The following NETO1 variants were observed in gnomAD, a reference collection of about 807,000 sequenced individuals.
NETO1 encodes neuropilin and tolloid-like protein 1.
NETO1 carries 26 observed loss-of-function variants against 61.3 expected under a neutral mutation model. The observed-to-expected ratio is 0.42, with a 90% CI of 0.31 to 0.59. The LOEUF (loss-of-function observed/expected upper bound fraction) is 0.59. NETO1 is among the 20% of genes least tolerant of loss of function. The pLI is 0.12. For synonymous variants in NETO1, 225 were observed against 225.8 expected (o/e 1.00, Z 0.03); for missense variants, 531 against 662.8 (o/e 0.80, Z 2.18).
intron 7 of NETO1, among the ~76,000 whole-genome samples, chr18:72,769,305 T>C (rs1296859322): frequency 2.6e-5 from 4 of 152,244 alleles, no homozygotes; most frequent in Non-Finnish European, 5.9e-5. Context: ...CAGTCATCAG[T>C]TGAATGTCTC....
rs967530636 is a variant in NETO1, at chr18:72,746,107, G to T, written c.*2072C>A. The T allele has an allele frequency of 6.6e-6, 1 of 151,830 alleles. No individual in the cohort carries two copies. The highest frequency in any genetic ancestry group is 1.5e-5 in the Non-Finnish European group (1 of 67,974). The allele number at this position is 151,830 out of a possible 1,614,324, so 9.4% of individuals were successfully genotyped here. A position where few individuals can be genotyped will look rare whatever the true frequency, so the allele number is the denominator to read the frequency against. On this transcript the variant is annotated 3_prime_UTR_variant, in exon 11 of 11. Transcript: ENST00000327305. ...AGAAACTGGAGGGGACGGACATGCC[G>T]GACAGTTATAGAACAAATTAATAGT...
At position 72,797,636 on chromosome 18, in the gene NETO1, A is replaced by G. The variant is rs185998290; in HGVS notation, c.470-3232T>C. On this transcript the variant is annotated intron_variant, in intron 4 of 10. Coordinates refer to ENST00000327305, the MANE Select transcript of NETO1 (RefSeq NM_138966.5). ...GTTCTCTACTTAGCAACCTAAATAAACTATTACACATGTAAATCGAATCAT... is the reference window on the plus strand; with the variant it reads ...GTTCTCTACTTAGCAACCTAAATAAGCTATTACACATGTAAATCGAATCAT... Among the ~76,000 whole-genome samples, 5 of 152,276 alleles carry G rather than the reference A, an allele frequency of 3.3e-5. No individual in the cohort carries two copies. In the East Asian group the frequency reaches 9.7e-4, roughly 29 times the overall value.
Position 72,750,170 on chromosome 18 carries a change from A to G in NETO1, c.1433T>C (p.Met478Thr). The G allele has an allele frequency of 6.2e-7, 1 of 1,614,024 alleles. No individual in the cohort carries two copies. Among genetic ancestry groups the G allele is most frequent in the South Asian group, 1.1e-5 (1 of 91,082 alleles). ...PPMNRRNILV[M>T]KHSYSQDAAD... The stretch of plus-strand genomic sequence containing the variant: ...AGCATCTTGCGAGTAGCTGTGTTTC[A>G]TGACAAGGATATTTCTTCTGTTCAT... Residue 478 changes from methionine to threonine, a missense_variant, in exon 9 of 11, where the codon ATG (methionine) becomes ACG (threonine). By Grantham distance (81) the Met-to-Thr change is moderately conservative (BLOSUM62 -1). Coordinates refer to ENST00000327305, the MANE Select transcript of NETO1 (RefSeq NM_138966.5).
rs542204216 is a variant in NETO1 at position 72,841,036 on chromosome 18, A to T, written c.469+17790T>A. ...CCTCAAGAACAACAGCTGTTTATTT[A>T]ACTGCCAAGTTTCTGTTTTGGTGAC... is the stretch of plus-strand genomic sequence containing the variant. On this transcript the variant is annotated intron_variant, in intron 4 of 10. Transcript: ENST00000327305. Among the ~76,000 whole-genome samples, 26 of 152,266 alleles carry T rather than the reference A, an allele frequency of 1.7e-4. No individual in the cohort carries two copies. In the South Asian group the frequency reaches 5.2e-3, roughly 30 times the overall value.
chr18:72,867,482 A>C lies in NETO1; in HGVS notation c.-191T>G, dbSNP rs2074777428. On this transcript the variant is annotated 5_prime_UTR_variant, in exon 1 of 11. Coordinates refer to ENST00000327305, the MANE Select transcript of NETO1 (RefSeq NM_138966.5). The stretch of plus-strand genomic sequence containing the variant: ...CCCACGCTGCAGCCAGATCCGGATG[A>C]GTCCGTCCTCCGCCCCGGGCGGGCT... The C allele has an allele frequency of 5.0e-6, 2 of 402,968 alleles. No individual in the cohort carries two copies. The highest frequency in any genetic ancestry group is 8.8e-6 in the Non-Finnish European group (2 of 227,524). The allele number at this position is 402,968 out of a possible 1,614,324, so 25.0% of individuals were successfully genotyped here.
intron 4 of NETO1, among the ~76,000 whole-genome samples, chr18:72,801,684 G>A (rs990245045): frequency 3.9e-5 from 6 of 152,140 alleles, no homozygotes; most frequent in African/African-American, 1.2e-4. Flanking sequence ...TTACACAGAA[G>A]CACAGCAAGA....
intron 4 of NETO1, among the ~76,000 whole-genome samples, chr18:72,797,662 G>A (rs2072364118): frequency 6.6e-6 from 1 of 152,140 alleles, no homozygotes; most frequent in South Asian, 2.1e-4. Context: ...ATCGAATCAT[G>A]GAACTCTCCT....
chr18:72,809,123 G>A (rs11663753), intron 4 of NETO1, among the ~76,000 whole-genome samples: 121 of 152,202 alleles, frequency 7.9e-4, no homozygotes, highest in Non-Finnish European at 1.4e-3. Flanking sequence ...CACTCTGCTC[G>A]TCACATCTAG....
chr18:72,859,150 A>T, intron 3 of NETO1, 76 bp from the exon 4 acceptor site: 23 of 1,403,012 alleles, frequency 1.6e-5, no homozygotes, highest in Non-Finnish European at 2.2e-5. Flanking sequence ...TCTATTTCAG[A>T]TGTTATTTGT....
chr18:72,778,876 A>G (rs1466022685), intron 7 of NETO1, among the ~76,000 whole-genome samples: 1 of 152,124 alleles, frequency 6.6e-6, no homozygotes, highest in Non-Finnish European at 1.5e-5. Flanking sequence ...ACCTATTTTG[A>G]GGTATTTGTT....
rs532576145 is a variant in NETO1 at position 72,788,991 on chromosome 18, C to T, written c.640-5085G>A. The stretch of plus-strand genomic sequence containing the variant: ...TAAATCTGTCACAGTCTGAGAAATG[C>T]TGTACATGGTTTCAATACTACTAGA... On this transcript the variant is annotated intron_variant, in intron 6 of 10. Transcript: ENST00000327305. Among the ~76,000 whole-genome samples the T allele has an allele frequency of 3.0e-3, 461 of 152,152 alleles. 1 individual carries two copies. The highest frequency in any genetic ancestry group is 0.01 in the Middle Eastern group (3 of 294).
At position 72,748,428 on chromosome 18, in the gene NETO1, G is replaced by A. The variant is rs568811856; in HGVS notation, c.*15-264C>T. On this transcript the variant is annotated intron_variant, in intron 10 of 10. Coordinates refer to ENST00000327305, the MANE Select transcript of NETO1 (RefSeq NM_138966.5). ...AATCGATGTACACGTAGACAACTGG[G>A]ATTAATGAAACCTTTTGCATTCAAA... 8.5e-5 allele frequency: 27 copies of A among 318,564 alleles called. No individual in the cohort carries two copies. The South Asian group carries it at 3.3e-3, about 38-fold the overall frequency. 19.7% of individuals were successfully genotyped at this position (318,564 alleles called of 1,614,324 possible).
At chr18:72,814,034 A>C (rs942057059) in intron 4 of NETO1, among the ~76,000 whole-genome samples, 3 of 152,138 alleles carry the variant, frequency 2.0e-5, no homozygotes, top group African/African-American at 7.2e-5. Context: ...ATGCTCATCC[A>C]GACTTCAACA....
At chr18:72,771,729 G>C (rs2071358186) in intron 7 of NETO1, among the ~76,000 whole-genome samples, 1 of 151,970 alleles carries the variant, frequency 6.6e-6, no homozygotes, top group Admixed American at 6.6e-5. Context: ...TTAATAAATA[G>C]CAATATATTA....
chr18:72,819,220 G>A (rs1568225810), intron 4 of NETO1, among the ~76,000 whole-genome samples: 1 of 152,056 alleles, frequency 6.6e-6, no homozygotes. Flanking sequence ...CACAGCCTCT[G>A]ACTGTTTTGT....
At chr18:72,795,444 A>G (rs1215083441) in intron 4 of NETO1, among the ~76,000 whole-genome samples, 1 of 152,214 alleles carries the variant, frequency 6.6e-6, no homozygotes, top group Non-Finnish European at 1.5e-5. Context: ...TCACTGAGAC[A>G]TTGTATTATC....
intron 4 of NETO1, among the ~76,000 whole-genome samples, chr18:72,843,936 A>G (rs1049294986): frequency 3.3e-5 from 5 of 152,180 alleles, no homozygotes; most frequent in African/African-American, 1.2e-4. Flanking sequence ...ATAATGTTCT[A>G]TTTTAATATG....
rs1180544553 is a variant in NETO1 at position 72,745,993 on chromosome 18, T to G, written c.*2186A>C. On this transcript the variant is annotated 3_prime_UTR_variant, in exon 11 of 11. Transcript: ENST00000327305. ...GAGCTATTCATTCTTATTATTATAC[T>G]TCATTTAGTGTTTTTTTTTAAAGTC... 6.6e-6 allele frequency: 1 copy of G among 152,176 alleles called. No individual in the cohort carries two copies. The highest frequency in any genetic ancestry group is 2.4e-5 in the African/African-American group (1 of 41,450). 9.4% of individuals were successfully genotyped at this position (152,176 alleles called of 1,614,324 possible).
At chr18:72,848,810 G>T (rs2074165798) in intron 4 of NETO1, among the ~76,000 whole-genome samples, 1 of 152,168 alleles carries the variant, frequency 6.6e-6, no homozygotes, top group Non-Finnish European at 1.5e-5. Flanking sequence ...GCATTTGAAA[G>T]TTCTGACGCC....
Sources: gnomAD v4.1 joint callset for allele counts (sites outside exome capture counted in the v4.1 genomes callset) on GRCh38, gnomAD v4.1.1 for gene constraint, MANE v1.5 for transcripts, NCBI Gene and HGNC (gene_info 2026-07-23, HGNC 2026-07-21) for gene names.